The following DGKG variants were observed in gnomAD, a reference collection of about 807,000 sequenced individuals.
DGKG encodes diacylglycerol kinase gamma.
A neutral mutation model predicts 105.3 loss-of-function variants in DGKG; 78 were observed. That is an observed-to-expected ratio of 0.74 (90% CI 0.62 to 0.89). The LOEUF (loss-of-function observed/expected upper bound fraction) is 0.89, where lower values mean the gene tolerates loss of function less well. DGKG is among the 40% of genes least tolerant of loss of function. DGKG has a pLI of 0.00. For missense variants in DGKG, 958 were observed against 1,020.1 expected, an observed-to-expected ratio of 0.94 and a Z score of 0.83; for synonymous variants, 346 against 367.1, an observed-to-expected ratio of 0.94 and a Z score of 0.66.
chr3:186,201,638 C>T (rs1428692693), intron 21 of DGKG, among the ~76,000 whole-genome samples: 1 of 152,210 alleles, frequency 6.6e-6, no homozygotes, highest in Admixed American at 6.5e-5. Context: ...AGCCATCTTC[C>T]CCTTTGTGTT....
At chr3:186,342,775 T>C (rs546219280) in intron 1 of DGKG, among the ~76,000 whole-genome samples, 2 of 152,242 alleles carry the variant, frequency 1.3e-5, no homozygotes, top group East Asian at 1.9e-4. Flanking sequence ...AAAAAGAAGA[T>C]AGTTATGATT....
At chr3:186,261,889 G>T in intron 14 of DGKG, 111 bp from the exon 15 acceptor site, 2 of 672,434 alleles carry the variant, frequency 3.0e-6, no homozygotes, top group East Asian at 5.7e-5. Flanking sequence ...CAGGAGGGCA[G>T]GCAGTCAGGT....
rs1727242711 is a variant in DGKG, at chr3:186,361,787, T to G, written c.-249+159A>C. 6.6e-6 allele frequency among the ~76,000 whole-genome samples: 1 copy of G among 151,960 alleles called. No individual in the cohort carries two copies. The highest frequency in any genetic ancestry group is 2.4e-5 in the African/African-American group (1 of 41,376). On this transcript the variant is annotated intron_variant, in intron 1 of 24. Coordinates refer to ENST00000265022, the MANE Select transcript of DGKG (RefSeq NM_001346.3). This position sits in a 1 kb window ranked among gnomAD's most constrained non-coding sequence, Gnocchi z 6.8. ...GCGGGGCATCCCTTCCTGCAGGGCT[T>G]TGTGGCAGGTGGAACTGTCGGGGTG...
At chr3:186,303,480 G>C (rs1325435358) in intron 3 of DGKG, among the ~76,000 whole-genome samples, 1 of 152,258 alleles carries the variant, frequency 6.6e-6, no homozygotes, top group African/African-American at 2.4e-5. Flanking sequence ...ACCAAGAAGA[G>C]AGAACTAGAT....
Position 186,218,089 on chromosome 3 carries a change from G to T in DGKG, c.1827-6204C>A, listed in dbSNP as rs185059664. Among the ~76,000 whole-genome samples, 218 of 152,288 alleles carry T rather than the reference G, an allele frequency of 1.4e-3. 1 individual carries two copies. Among genetic ancestry groups the T allele is most frequent in the Middle Eastern group, 3.4e-3 (1 of 294 alleles). ...CATGGGGGGAGGGCAGAATGATTTA[G>T]TGGAGACTGTGCTGCACCAGCGGGC... On this transcript the variant is annotated intron_variant, in intron 20 of 24. Coordinates refer to ENST00000265022, the MANE Select transcript of DGKG (RefSeq NM_001346.3).
chr3:186,287,047 T>TAAATAAATAAATAAATAAAA (rs1468841072), intron 6 of DGKG, among the ~76,000 whole-genome samples: 3 of 150,284 alleles, frequency 2.0e-5, no homozygotes, highest in African/African-American at 7.3e-5. Flanking sequence ...AATAAATAAA[T>TAAATAAATAAATAAATAAAA]AAATAAATAA....
At chr3:186,258,470 A>G (rs1418085872) in intron 16 of DGKG, among the ~76,000 whole-genome samples, 1 of 152,184 alleles carries the variant, frequency 6.6e-6, no homozygotes, top group African/African-American at 2.4e-5. Flanking sequence ...TATGGATTGG[A>G]TTCAGAGGGC....
intron 22 of DGKG, among the ~76,000 whole-genome samples, chr3:186,185,006 G>A (rs906346426): frequency 1.3e-5 from 2 of 152,146 alleles, no homozygotes; most frequent in Non-Finnish European, 2.9e-5. Context: ...GAACTGTAAG[G>A]AATCTTAAAA....
intron 21 of DGKG, among the ~76,000 whole-genome samples, chr3:186,200,070 C>T (rs774240740): frequency 1.1e-4 from 16 of 151,942 alleles, no homozygotes; most frequent in Non-Finnish European, 1.8e-4. Context: ...CATTTTAAGG[C>T]GGACCATGAA....
intron 21 of DGKG, among the ~76,000 whole-genome samples, chr3:186,188,710 T>C (rs1717761398): frequency 6.6e-6 from 1 of 152,164 alleles, no homozygotes; most frequent in South Asian, 2.1e-4. Flanking sequence ...CTCATTATCA[T>C]CAATCTTGCC....
intron 1 of DGKG, among the ~76,000 whole-genome samples, chr3:186,331,269 C>G (rs1725590238): frequency 1.3e-5 from 2 of 152,240 alleles, no homozygotes; most frequent in South Asian, 4.1e-4. Flanking sequence ...TCACAGGATT[C>G]TAACCATCTA....
Position 186,295,303 on chromosome 3 carries a change from T to A in DGKG, c.373+2118A>T, listed in dbSNP as rs139307879. ...AGATCACGAGGTCAGGAGATCGAGATCATCCTGGCCAACATGGTGAAAGCC... is the reference window on the plus strand; with the variant it reads ...AGATCACGAGGTCAGGAGATCGAGAACATCCTGGCCAACATGGTGAAAGCC... On this transcript the variant is annotated intron_variant, in intron 5 of 24. Coordinates refer to ENST00000265022, the MANE Select transcript of DGKG (RefSeq NM_001346.3). Among the ~76,000 whole-genome samples the A allele has an allele frequency of 2.0e-5, 3 of 151,870 alleles. No homozygotes were observed. In the East Asian group the frequency reaches 5.8e-4, roughly 29 times the overall value.
intron 22 of DGKG, among the ~76,000 whole-genome samples, chr3:186,177,107 A>G (rs1386560524): frequency 6.6e-6 from 1 of 152,190 alleles, no homozygotes; most frequent in Non-Finnish European, 1.5e-5. Context: ...TGGAGCCATA[A>G]GCCCGCATTC....
chr3:186,168,535 T>C (rs1716663731), intron 22 of DGKG, among the ~76,000 whole-genome samples: 1 of 152,190 alleles, frequency 6.6e-6, no homozygotes, highest in Non-Finnish European at 1.5e-5. Context: ...TGAAAAATCC[T>C]CAGTGGCACT....
chr3:186,245,699 C>T (rs1720906342), intron 19 of DGKG, among the ~76,000 whole-genome samples: 1 of 152,136 alleles, frequency 6.6e-6, no homozygotes, highest in African/African-American at 2.4e-5. Flanking sequence ...AAGGTATGGA[C>T]ATAGAGCCTC....
intron 1 of DGKG, among the ~76,000 whole-genome samples, chr3:186,358,272 C>T (rs765080199): frequency 1.3e-5 from 2 of 152,236 alleles, no homozygotes; most frequent in African/African-American, 2.4e-5. Context: ...TTCGCCATAG[C>T]GAGGTAAGCT....
At chr3:186,312,223 A>G (rs891502311) in intron 2 of DGKG, among the ~76,000 whole-genome samples, 2 of 150,974 alleles carry the variant, frequency 1.3e-5, no homozygotes, top group Non-Finnish European at 3.0e-5. Flanking sequence ...ATAAATCAAC[A>G]TTTTCAAAAG....
chr3:186,306,496 G>T (rs530129393), intron 3 of DGKG, among the ~76,000 whole-genome samples: 48 of 152,266 alleles, frequency 3.2e-4, no homozygotes, highest in Admixed American at 2.7e-3. Context: ...TGCACACGTG[G>T]GGGAGTTGGA....
intron 23 of DGKG, among the ~76,000 whole-genome samples, chr3:186,164,335 G>A (rs1716434671): frequency 6.6e-6 from 1 of 152,344 alleles, no homozygotes; most frequent in East Asian, 1.9e-4. Context: ...GGATCCTCTC[G>A]ATTAGACTTC....
Sources: gnomAD v4.1 joint callset for allele counts (sites outside exome capture counted in the v4.1 genomes callset) on GRCh38, gnomAD v4.1.1 for gene constraint, Gnocchi (gnomAD v3.1) non-coding constraint, MANE v1.5 for transcripts, NCBI Gene and HGNC (gene_info 2026-07-23, HGNC 2026-07-21) for gene names.